The following BCL2L11 variants were observed in gnomAD, a reference collection of about 807,000 sequenced individuals.
The protein encoded by BCL2L11 is bcl-2-like protein 11.
Under a neutral mutation model 20.6 loss-of-function variants are expected in BCL2L11, and 15 were observed. That is an observed-to-expected ratio of 0.73 (90% CI 0.49 to 1.12). The LOEUF (loss-of-function observed/expected upper bound fraction) is 1.12, where lower values mean the gene tolerates loss of function less well. Ranked by LOEUF, BCL2L11 falls within the 50% of genes most tolerant of loss-of-function variation. BCL2L11 has a pLI of 0.00. For synonymous variants in BCL2L11, 108 were observed against 92.8 expected (o/e 1.16, Z -0.94); for missense variants, 292 against 260.9 (o/e 1.12, Z -0.82).
chr2:111,142,450 CT>C, intron 2 of BCL2L11: 1 of 1,330,986 alleles, frequency 7.5e-7, no homozygotes, highest in African/African-American at 1.5e-5. Context: ...CCTTTTGTGA[CT>C]TTTAAGTGAG....
intron 1 of BCL2L11, 200 bp from the exon 2 acceptor site, chr2:111,123,533 G>C: frequency 1.0e-6 from 1 of 985,086 alleles, no homozygotes; most frequent in South Asian, 4.7e-5. Context: ...ATTTTGTTTG[G>C]GGGTACCCTC....
At chr2:111,149,945 G>A (rs1462526361) in intron 2 of BCL2L11, 99 bp from the exon 3 acceptor site, 9 of 934,078 alleles carry the variant, frequency 9.6e-6, no homozygotes, top group Non-Finnish European at 1.4e-5. Context: ...ATGTGAAAGA[G>A]TGTGTGAGAT....
At chr2:111,140,272 C>A (rs533360250) in intron 2 of BCL2L11, among the ~76,000 whole-genome samples, 1 of 152,194 alleles carries the variant, frequency 6.6e-6, no homozygotes, top group South Asian at 2.1e-4. Context: ...AAAAAAAAAT[C>A]ATTTCAAGCT....
At chr2:111,128,763 A>T (rs2073244677) in intron 2 of BCL2L11, 1 of 1,543,616 alleles carries the variant, frequency 6.5e-7, no homozygotes, top group African/African-American at 1.4e-5. Context: ...ACCTTTTTAT[A>T]GCCACAGCCA....
chr2:111,140,312 C>T (rs1040703392), intron 2 of BCL2L11, among the ~76,000 whole-genome samples: 5 of 152,160 alleles, frequency 3.3e-5, no homozygotes, highest in African/African-American at 7.2e-5. Flanking sequence ...AATGGAAACA[C>T]GTTCAATATA....
At chr2:111,138,693 A>T (rs891376372) in intron 2 of BCL2L11, among the ~76,000 whole-genome samples, 2 of 152,044 alleles carry the variant, frequency 1.3e-5, no homozygotes, top group Non-Finnish European at 2.9e-5. Flanking sequence ...TCATGGATGG[A>T]TTTGGTGTTG....
chr2:111,121,676 G>A (rs1479992235), intron 1 of BCL2L11, among the ~76,000 whole-genome samples: 1 of 152,222 alleles, frequency 6.6e-6, no homozygotes, highest in African/African-American at 2.4e-5. Flanking sequence ...GCGGAACTGC[G>A]GTGGTGATTT....
At position 111,123,928 on chromosome 2, in the gene BCL2L11, G is replaced by A. The variant is rs1400382594; in HGVS notation, c.183G>A (p.Gln61=). The A allele has an allele frequency of 1.2e-6, 2 of 1,613,940 alleles. No individual in the cohort carries two copies. Among genetic ancestry groups the A allele is most frequent in the Admixed American group, 1.7e-5 (1 of 60,004 alleles). Residue 61 remains glutamine (Q), a synonymous_variant, in exon 2 of 4, where the codon CAG becomes CAA. Coordinates refer to ENST00000393256, the MANE Select transcript of BCL2L11 (RefSeq NM_138621.5). Reference sequence around the variant, plus strand: ...ACAGCTGCCCCCACGGCAGCCCTCAGGGCCCGCTGGCCCCACCTGCCAGCC... The same window carrying A: ...ACAGCTGCCCCCACGGCAGCCCTCAAGGCCCGCTGGCCCCACCTGCCAGCC... The part of the protein sequence containing the change: ...EGDSCPHGSP[Q]GPLAPPASPG...
intron 2 of BCL2L11, among the ~76,000 whole-genome samples, chr2:111,145,165 A>C (rs2076342175): frequency 6.6e-6 from 1 of 152,186 alleles, no homozygotes. Flanking sequence ...TACACTTGAA[A>C]TTCCAGTAAT....
chr2:111,154,368 AAG>A (rs2077587660), intron 3 of BCL2L11, among the ~76,000 whole-genome samples: 1 of 151,994 alleles, frequency 6.6e-6, no homozygotes, highest in African/African-American at 2.4e-5. Flanking sequence ...AAAAAAAAAA[AAG>A]AAAAAATGTA....
chr2:111,134,778 C>T (rs144806111), intron 2 of BCL2L11, among the ~76,000 whole-genome samples: 69 of 152,318 alleles, frequency 4.5e-4, no homozygotes, highest in African/African-American at 1.3e-3. Context: ...GATATCTTCA[C>T]GGAAGATAGA....
chr2:111,158,591 T>G (rs1218146829), intron 3 of BCL2L11, among the ~76,000 whole-genome samples: 1 of 151,680 alleles, frequency 6.6e-6, no homozygotes, highest in African/African-American at 2.4e-5. Flanking sequence ...AAAAAATAAG[T>G]TTCAGGACAT....
At chr2:111,129,495 A>G (rs189136337) in intron 2 of BCL2L11, among the ~76,000 whole-genome samples, 1 of 152,260 alleles carries the variant, frequency 6.6e-6, no homozygotes, top group Admixed American at 6.5e-5. Context: ...AAATAATACA[A>G]AGAAATTGTA....
Position 111,120,942 on chromosome 2 carries a change from C to T in BCL2L11, c.-260C>T. ...TCGCTCCGCGCAGCCGCCTGGTCTG[C>T]AGTTTGTTGGAGCTCTGCGTCCAGC... On this transcript the variant is annotated 5_prime_UTR_variant, in exon 1 of 4. Coordinates refer to ENST00000393256, the MANE Select transcript of BCL2L11 (RefSeq NM_138621.5). 5.4e-6 allele frequency: 2 copies of T among 371,146 alleles called. No individual in the cohort carries two copies. The highest frequency in any genetic ancestry group is 2.2e-5 in the African/African-American group (1 of 45,250). The allele number at this position is 371,146 out of a possible 1,614,324, so 23.0% of individuals were successfully genotyped here.
intron 2 of BCL2L11, chr2:111,131,559 T>G (rs1192015556): frequency 6.6e-6 from 1 of 152,204 alleles, no homozygotes; most frequent in East Asian, 1.9e-4. Context: ...TCCACTGATT[T>G]TTCTCTACTT....
Position 111,122,630 on chromosome 2 carries a change from G to GGGGAGGAGC in BCL2L11, c.-13-1094_-13-1086dup, listed in dbSNP as rs1278197201. On this transcript the variant is annotated intron_variant, in intron 1 of 3. Coordinates refer to ENST00000393256, the MANE Select transcript of BCL2L11 (RefSeq NM_138621.5). ...CGGCGGCGGCGGGCGCAGAGCGCGA[G>GGGGAGGAGC]GGGAGGAGCGGGAGGAGGCGGAGGA... 9.1e-6 allele frequency: 9 copies of GGGGAGGAGC among 984,252 alleles called. No homozygotes were observed. In the African/African-American group the frequency reaches 1.4e-4, roughly 15 times the overall value. 61.0% of individuals were successfully genotyped at this position (984,252 alleles called of 1,614,324 possible).
At chr2:111,139,398 A>G (rs1449404448) in intron 2 of BCL2L11, among the ~76,000 whole-genome samples, 1 of 152,260 alleles carries the variant, frequency 6.6e-6, no homozygotes, top group Non-Finnish European at 1.5e-5. Flanking sequence ...AGACTCAAGT[A>G]CTTTTTCTTG....
rs1221410008 is a variant in BCL2L11 at position 111,164,654 on chromosome 2, G to A, written c.*423G>A. 3 of 155,866 alleles carry A rather than the reference G, an allele frequency of 1.9e-5. No individual in the cohort carries two copies. Among genetic ancestry groups the A allele is most frequent in the African/African-American group, 7.2e-5 (3 of 41,520 alleles). 9.7% of individuals were successfully genotyped at this position (155,866 alleles called of 1,614,324 possible). A position where few individuals can be genotyped will look rare whatever the true frequency, so the allele number is the denominator to read the frequency against. The stretch of plus-strand genomic sequence containing the variant: ...CTACGGCCTATTCTCAGAGGATTAT[G>A]TAACCCCTGCAGTGGAAACTGAGCC... On this transcript the variant is annotated 3_prime_UTR_variant, in exon 4 of 4. Transcript: ENST00000393256.
Position 111,122,676 on chromosome 2 carries a change from G to C in BCL2L11, c.-13-1057G>C, listed in dbSNP as rs570626746. The C allele has an allele frequency of 2.6e-3, 2,537 of 982,994 alleles. 49 individuals are homozygous for C. In the African/African-American group the frequency reaches 0.042, roughly 16 times the overall value. 60.9% of individuals were successfully genotyped at this position (982,994 alleles called of 1,614,324 possible). A position where few individuals can be genotyped will look rare whatever the true frequency, so the allele number is the denominator to read the frequency against. On this transcript the variant is annotated intron_variant, in intron 1 of 3. Coordinates refer to ENST00000393256, the MANE Select transcript of BCL2L11 (RefSeq NM_138621.5). ...GAGGATGTTCCCGGCGGCTGCGGCC[G>C]GGGCAGCGCGGGCCAGAGGCGCGGC...
Sources: allele counts gnomAD v4.1 joint callset (sites outside exome capture counted in the v4.1 genomes callset), GRCh38; gene constraint gnomAD v4.1.1; transcripts MANE v1.5; gene names NCBI Gene and HGNC (gene_info 2026-07-23, HGNC 2026-07-21).